L3MBTL4: variants seen among roughly 807,000 people sequenced by gnomAD.
L3MBTL4 encodes the protein lethal(3)malignant brain tumor-like protein 4.
Under a neutral mutation model 84.5 loss-of-function variants are expected in L3MBTL4, and 70 were observed. That is an observed-to-expected ratio of 0.83 (90% CI 0.68 to 1.01). L3MBTL4 has a LOEUF of 1.01. Among genes scored for constraint, L3MBTL4 ranks in the 50% least tolerant of loss-of-function variants. L3MBTL4 has a pLI of 0.00. For missense variants in L3MBTL4, 715 were observed against 754.8 expected (o/e 0.95, Z 0.62); for synonymous variants, 274 against 259.8 (o/e 1.05, Z -0.52).
chr18:6,148,988 T>C (rs1165073415), intron 13 of L3MBTL4, among the ~76,000 whole-genome samples: 1 of 152,172 alleles, frequency 6.6e-6, no homozygotes, highest in African/African-American at 2.4e-5. Flanking sequence ...TTTTAAACTT[T>C]ACCCTTATGA....
chr18:6,137,268 AT>A (rs964892692), intron 14 of L3MBTL4, among the ~76,000 whole-genome samples: 8 of 152,064 alleles, frequency 5.3e-5, no homozygotes, highest in African/African-American at 1.9e-4. Context: ...TGAATGCTAT[AT>A]TTTTTTCTTT....
chr18:6,170,564 G>A (rs949171513), intron 13 of L3MBTL4, among the ~76,000 whole-genome samples: 2 of 152,132 alleles, frequency 1.3e-5, no homozygotes, highest in African/African-American at 4.8e-5. Context: ...GGATGCTTCT[G>A]AGACATTCAG....
At chr18:6,140,923 C>A (rs2060177530) in intron 13 of L3MBTL4, among the ~76,000 whole-genome samples, 1 of 151,846 alleles carries the variant, frequency 6.6e-6, no homozygotes, top group Non-Finnish European at 1.5e-5. Flanking sequence ...TATCACCACA[C>A]ACTGGGACCT....
At chr18:6,268,382 G>A (rs1255005157) in intron 4 of L3MBTL4, among the ~76,000 whole-genome samples, 1 of 152,020 alleles carries the variant, frequency 6.6e-6, no homozygotes, top group Admixed American at 6.6e-5. Flanking sequence ...ACTCCAGCCT[G>A]GGCAATAAGA....
intron 16 of L3MBTL4, among the ~76,000 whole-genome samples, chr18:6,024,112 G>A (rs374666207): frequency 1.6e-3 from 247 of 152,194 alleles, no homozygotes; most frequent in African/African-American, 5.7e-3. Context: ...CCTGACCTCA[G>A]GTGATCCGCC....
intron 1 of L3MBTL4, among the ~76,000 whole-genome samples, chr18:6,411,969 A>C (rs910996056): frequency 6.6e-6 from 1 of 152,214 alleles, no homozygotes; most frequent in Non-Finnish European, 1.5e-5. Flanking sequence ...ATAATATTTT[A>C]GTAGAGTAAT....
chr18:6,145,470 TG>T (rs1840851451), intron 13 of L3MBTL4, among the ~76,000 whole-genome samples: 5 of 149,658 alleles, frequency 3.3e-5, no homozygotes, highest in Admixed American at 3.3e-4. Flanking sequence ...TATGGATTGA[TG>T]TTGGCCAGCA....
At chr18:5,985,579 C>T (rs1373028881) in intron 16 of L3MBTL4, among the ~76,000 whole-genome samples, 2 of 152,178 alleles carry the variant, frequency 1.3e-5, no homozygotes, top group Non-Finnish European at 2.9e-5. Flanking sequence ...CTGCCTGGCT[C>T]CCAGGTCTGT....
At chr18:6,137,558 TATTA>T (rs1469255166) in intron 14 of L3MBTL4, among the ~76,000 whole-genome samples, 3 of 152,196 alleles carry the variant, frequency 2.0e-5, no homozygotes, top group African/African-American at 4.8e-5. Context: ...ACAAATTTGA[TATTA>T]ATTCTTTCAG....
At chr18:6,110,013 C>G (rs953192256) in intron 14 of L3MBTL4, among the ~76,000 whole-genome samples, 1 of 152,016 alleles carries the variant, frequency 6.6e-6, no homozygotes, top group African/African-American at 2.4e-5. Flanking sequence ...TGGATGGCAT[C>G]AGTCTGTAGA....
At chr18:6,077,692 T>C (rs1598662700) in intron 16 of L3MBTL4, among the ~76,000 whole-genome samples, 1 of 144,036 alleles carries the variant, frequency 6.9e-6, no homozygotes, top group Non-Finnish European at 1.5e-5. Flanking sequence ...ATAGAAGAAA[T>C]AGAGCACAAA....
At chr18:5,997,134 T>C (rs1409947559) in intron 16 of L3MBTL4, among the ~76,000 whole-genome samples, 3 of 150,668 alleles carry the variant, frequency 2.0e-5, no homozygotes, top group African/African-American at 7.5e-5. Context: ...ATAATAACTG[T>C]GTACTTTGCA....
intron 14 of L3MBTL4, among the ~76,000 whole-genome samples, chr18:6,135,655 C>G (rs1486148575): frequency 6.6e-6 from 1 of 152,196 alleles, no homozygotes; most frequent in Non-Finnish European, 1.5e-5. Flanking sequence ...CAGTTCCCAA[C>G]AAGTTCCTCA....
intron 16 of L3MBTL4, among the ~76,000 whole-genome samples, chr18:5,993,503 TA>T (rs1029591022): frequency 2.5e-4 from 38 of 152,318 alleles, no homozygotes; most frequent in African/African-American, 8.4e-4. Context: ...ATTTCTGAAC[TA>T]AAATATGATG....
chr18:5,959,563 A>C (rs545057255), intron 18 of L3MBTL4, among the ~76,000 whole-genome samples: 155 of 152,262 alleles, frequency 1.0e-3, no homozygotes, highest in Non-Finnish European at 2.0e-3. Flanking sequence ...ACCCCGTAGA[A>C]GGATTTGGGG....
At chr18:6,369,538 A>G (rs764022629) in intron 1 of L3MBTL4, among the ~76,000 whole-genome samples, 8 of 152,180 alleles carry the variant, frequency 5.3e-5, no homozygotes, top group Non-Finnish European at 8.8e-5. Context: ...GGGAAATAAC[A>G]CAGGCCATGG....
chr18:6,271,371 G>C (rs1018713168), intron 4 of L3MBTL4, among the ~76,000 whole-genome samples: 4 of 152,108 alleles, frequency 2.6e-5, no homozygotes, highest in African/African-American at 9.7e-5. Flanking sequence ...TTTATAAGTT[G>C]TCAATTTACA....
chr18:6,351,222 T>C (rs894325128), intron 1 of L3MBTL4, among the ~76,000 whole-genome samples: 4 of 151,976 alleles, frequency 2.6e-5, no homozygotes, highest in Non-Finnish European at 5.9e-5. Context: ...ACAACATAAA[T>C]GAATCTTGAA....
intron 16 of L3MBTL4, among the ~76,000 whole-genome samples, chr18:5,986,028 G>A (rs2053448948): frequency 6.6e-6 from 1 of 152,132 alleles, no homozygotes; most frequent in South Asian, 2.1e-4. Context: ...GCTGAGGTCT[G>A]GAAATGAAAA....
Sources: gnomAD v4.1 joint callset for allele counts (sites outside exome capture counted in the v4.1 genomes callset) on GRCh38, gnomAD v4.1.1 for gene constraint, MANE v1.5 for transcripts, NCBI Gene and HGNC (gene_info 2026-07-23, HGNC 2026-07-21) for gene names.